PHACTR1: variants seen among roughly 807,000 people sequenced by gnomAD.
The protein encoded by PHACTR1 is phosphatase and actin regulator 1.
Under a neutral mutation model 69.2 loss-of-function variants are expected in PHACTR1, and 16 were observed. The observed-to-expected ratio is 0.23, with a 90% CI of 0.16 to 0.35. The LOEUF is 0.35. Ranked by LOEUF, PHACTR1 falls within the 10% of genes least tolerant of loss-of-function variation. The pLI is 1.00. For missense variants in PHACTR1, 510 were observed against 734.7 expected (o/e 0.69, Z 3.54); for synonymous variants, 312 against 284.5 (o/e 1.10, Z -0.97).
chr6:13,068,086 G>A (rs1808936218), intron 5 of PHACTR1, among the ~76,000 whole-genome samples: 1 of 152,190 alleles, frequency 6.6e-6, no homozygotes, highest in African/African-American at 2.4e-5. Context: ...GGAGGCTGAG[G>A]CAGGCAGATT....
Position 13,049,431 on chromosome 6 carries a change from G to C in PHACTR1, c.251-3934G>C, listed in dbSNP as rs764858249. Among the ~76,000 whole-genome samples the C allele has an allele frequency of 3.2e-4, 49 of 152,182 alleles. 2 individuals carry two copies. The highest frequency in any genetic ancestry group is 6.5e-5 in the Admixed American group (1 of 15,284). ...CTATCTTGATTTTTTAAAGGATTCT[G>C]TATATAATTTCTCTTTAACCTGTAG... On this transcript the variant is annotated intron_variant, in intron 4 of 14. Transcript: ENST00000332995.
intron 4 of PHACTR1, among the ~76,000 whole-genome samples, chr6:12,994,748 A>G (rs1001756746): frequency 6.6e-6 from 1 of 152,158 alleles, no homozygotes; most frequent in Non-Finnish European, 1.5e-5. Flanking sequence ...TACTATTTAG[A>G]AACTTGGAGT....
chr6:12,837,994 A>G (rs566421131), intron 4 of PHACTR1, among the ~76,000 whole-genome samples: 1 of 152,330 alleles, frequency 6.6e-6, no homozygotes, highest in South Asian at 2.1e-4. Context: ...TTCCAAGCTC[A>G]TGTCATTGTC....
chr6:13,053,717 C>A, intron 5 of PHACTR1, among the ~76,000 whole-genome samples, 188 bp downstream of exon 5: 1 of 152,198 alleles, frequency 6.6e-6, no homozygotes, highest in Middle Eastern at 3.4e-3. Context: ...TGTGTTTTCT[C>A]CTATCTCATG....
intron 5 of PHACTR1, among the ~76,000 whole-genome samples, chr6:13,156,630 A>G (rs1758213860): frequency 6.6e-6 from 1 of 152,192 alleles, no homozygotes; most frequent in Non-Finnish European, 1.5e-5. Flanking sequence ...TGTCTGTTTG[A>G]TGAAGTATCC....
chr6:12,883,270 G>A (rs1378027796), intron 4 of PHACTR1, among the ~76,000 whole-genome samples: 1 of 152,136 alleles, frequency 6.6e-6, no homozygotes, highest in Non-Finnish European at 1.5e-5. Flanking sequence ...CTGGAGTGCA[G>A]TGGTGCCATC....
At chr6:12,842,141 G>T (rs5017386) in intron 4 of PHACTR1, among the ~76,000 whole-genome samples, 29,268 of 152,040 alleles carry the variant, frequency 0.19, 3,074 homozygotes, top group African/African-American at 0.27. Context: ...AAATCTATAA[G>T]GAGAACAAAT....
chr6:13,192,133 G>A (rs1311459773), intron 7 of PHACTR1, among the ~76,000 whole-genome samples: 1 of 152,222 alleles, frequency 6.6e-6, no homozygotes, highest in Non-Finnish European at 1.5e-5. Context: ...AAATGGTTAA[G>A]GCCATCAGCG....
intron 4 of PHACTR1, among the ~76,000 whole-genome samples, chr6:12,930,595 G>A (rs1788760508): frequency 6.6e-6 from 1 of 152,190 alleles, no homozygotes; most frequent in African/African-American, 2.4e-5. Flanking sequence ...ACAGGAGCCT[G>A]AATCCAAGAC....
At chr6:12,895,430 G>T (rs1483156322) in intron 4 of PHACTR1, among the ~76,000 whole-genome samples, 1 of 152,056 alleles carries the variant, frequency 6.6e-6, no homozygotes, top group Non-Finnish European at 1.5e-5. Flanking sequence ...TGATCTACCT[G>T]CCTCAGCCTC....
chr6:12,951,908 G>A (rs1354857525), intron 4 of PHACTR1, among the ~76,000 whole-genome samples: 2 of 152,172 alleles, frequency 1.3e-5, no homozygotes, highest in African/African-American at 2.4e-5. Context: ...TTTAGTACAT[G>A]CACTGCTGTT....
intron 4 of PHACTR1, among the ~76,000 whole-genome samples, chr6:12,946,713 AAG>A (rs1790707623): frequency 1.3e-5 from 2 of 152,260 alleles, no homozygotes; most frequent in South Asian, 2.1e-4. Flanking sequence ...GTATTGCAGA[AAG>A]AGAGAAAAGA....
At chr6:12,864,567 C>T (rs1781265641) in intron 4 of PHACTR1, among the ~76,000 whole-genome samples, 1 of 151,964 alleles carries the variant, frequency 6.6e-6, no homozygotes, top group Admixed American at 6.6e-5. Flanking sequence ...GTAGTCCCAG[C>T]TACTCGGGAG....
At chr6:13,229,010 C>T (rs767692831) in intron 9 of PHACTR1, among the ~76,000 whole-genome samples, 1 of 152,218 alleles carries the variant, frequency 6.6e-6, no homozygotes, top group Non-Finnish European at 1.5e-5. Context: ...CCAAGTAAGA[C>T]CTGGTGAGCT....
chr6:12,923,718 T>C (rs1339013292), intron 4 of PHACTR1, among the ~76,000 whole-genome samples: 7 of 152,122 alleles, frequency 4.6e-5, no homozygotes, highest in Admixed American at 4.6e-4. Context: ...CAAGAAACCA[T>C]GCATTCTTCA....
At chr6:13,113,698 C>G (rs1008533919) in intron 5 of PHACTR1, among the ~76,000 whole-genome samples, 1 of 152,114 alleles carries the variant, frequency 6.6e-6, no homozygotes, top group Non-Finnish European at 1.5e-5. Flanking sequence ...GCATTTAAAA[C>G]AAGACAAGAC....
intron 4 of PHACTR1, among the ~76,000 whole-genome samples, chr6:12,962,270 A>G (rs1379855379): frequency 6.6e-6 from 1 of 151,810 alleles, no homozygotes; most frequent in Non-Finnish European, 1.5e-5. Context: ...ATTATCCCTC[A>G]CCCTTATGAC....
chr6:12,875,970 G>A (rs938502189), intron 4 of PHACTR1, among the ~76,000 whole-genome samples: 2 of 152,132 alleles, frequency 1.3e-5, no homozygotes, highest in African/African-American at 2.4e-5. Flanking sequence ...AAGCTAAGGA[G>A]GTTAGGAACA....
At chr6:12,985,541 A>ATATATATATAT (rs1554186434) in intron 4 of PHACTR1, among the ~76,000 whole-genome samples, 2 of 132,768 alleles carry the variant, frequency 1.5e-5, no homozygotes, top group African/African-American at 5.8e-5. Context: ...AAAAAAAAAA[A>ATATATATATAT]ATATATATAT....
Sources: allele counts gnomAD v4.1 joint callset (sites outside exome capture counted in the v4.1 genomes callset), GRCh38; gene constraint gnomAD v4.1.1; transcripts MANE v1.5; gene names NCBI Gene and HGNC (gene_info 2026-07-23, HGNC 2026-07-21).